The following TTC19 variants were observed in gnomAD, a reference collection of about 807,000 sequenced individuals.
TTC19 encodes tetratricopeptide repeat protein 19, mitochondrial.
A neutral mutation model predicts 49.5 loss-of-function variants in TTC19; 38 were observed. The ratio of observed to expected loss-of-function variants is 0.77; its 90% CI spans 0.59 to 1.01. TTC19 has a LOEUF of 1.01. TTC19 is among the 50% of genes least tolerant of loss of function. TTC19 has a pLI of 0.00. For missense variants in TTC19, 475 were observed against 477.7 expected (o/e 0.99, Z 0.05); for synonymous variants, 204 against 185.2 (o/e 1.10, Z -0.83).
At chr17:16,004,064 G>A in intron 5 of TTC19, 137 bp from the exon 6 acceptor site, 1 of 1,117,452 alleles carries the variant, frequency 8.9e-7, no homozygotes, top group Non-Finnish European at 1.4e-6. Flanking sequence ...GCTTGCCAAG[G>A]AATTCACAGT....
chr17:16,006,666 A>AGAG, intron 7 of TTC19, 98 bp downstream of exon 7: 2 of 871,962 alleles, frequency 2.3e-6, no homozygotes, highest in East Asian at 4.9e-5. Flanking sequence ...GAAGAGGGAA[A>AGAG]GTTACCTATT....
At chr17:16,018,401 C>T (rs572489650) in intron 7 of TTC19, among the ~76,000 whole-genome samples, 16 of 152,174 alleles carry the variant, frequency 1.1e-4, no homozygotes, top group Non-Finnish European at 1.8e-4. Context: ...TTCACATTAT[C>T]CCCTCTTCCA....
intron 7 of TTC19, among the ~76,000 whole-genome samples, chr17:16,019,515 G>GC (rs1406980041): frequency 6.6e-6 from 1 of 152,170 alleles, no homozygotes; most frequent in Non-Finnish European, 1.5e-5. Flanking sequence ...TTGCCAAACT[G>GC]CATGTCTGCT....
chr17:16,044,914 A>C, exon 3 of TTC19: 1 of 689,206 alleles, frequency 1.5e-6, no homozygotes. Context: ...AACAAAGAAG[A>C]ATCTGAGGAG....
At chr17:16,037,359 A>C (rs1020589085) in intron 2 of TTC19, among the ~76,000 whole-genome samples, 8 of 152,208 alleles carry the variant, frequency 5.3e-5, no homozygotes, top group African/African-American at 1.9e-4. Context: ...ATGCTATTAG[A>C]AAAATAATGC....
downstream of TTC19, chr17:16,031,725 C>G (rs1972034987): frequency 4.4e-6 from 1 of 228,776 alleles, no homozygotes; most frequent in African/African-American, 2.2e-5. Context: ...AACATTTTCA[C>G]AAGATTTTAA....
intron 7 of TTC19, among the ~76,000 whole-genome samples, chr17:16,011,203 C>T (rs1010872302): frequency 6.6e-6 from 1 of 152,126 alleles, no homozygotes; most frequent in Non-Finnish European, 1.5e-5. Flanking sequence ...TTTGTTGAGA[C>T]GGAGTCTCAC....
chr17:16,024,828 A>T (rs1466909522), intron 7 of TTC19, 189 bp from the exon 8 acceptor site: 1 of 606,780 alleles, frequency 1.6e-6, no homozygotes, highest in Non-Finnish European at 2.9e-6. Context: ...TGATGTGCGG[A>T]CTCTTAATCT....
chr17:16,005,415 A>G (rs1970873975), intron 6 of TTC19, among the ~76,000 whole-genome samples: 1 of 152,212 alleles, frequency 6.6e-6, no homozygotes, highest in African/African-American at 2.4e-5. Flanking sequence ...AGAGCAGAAC[A>G]GTAGGGTCAT....
intron 7 of TTC19, chr17:16,024,005 A>T (rs1241578963): frequency 6.6e-6 from 1 of 152,194 alleles, no homozygotes; most frequent in Non-Finnish European, 1.5e-5. Flanking sequence ...TATTGTGTGA[A>T]CAGTTACCTC....
intron 6 of TTC19, among the ~76,000 whole-genome samples, chr17:16,005,365 G>A (rs1314025039): frequency 6.6e-6 from 1 of 152,186 alleles, no homozygotes; most frequent in Admixed American, 6.5e-5. Context: ...CAAGTTTTGA[G>A]CGTAGGGAAG....
rs557393404 is a variant in TTC19 at position 16,018,160 on chromosome 17, A to G, written c.677-6857A>G. ...TGCATATTTGCCTTGTTTTTTAAAT[A>G]GTCTATTTTCTCCTGCTCAGATGCT... On this transcript the variant is annotated intron_variant, in intron 7 of 9. Coordinates refer to ENST00000261647, the MANE Select transcript of TTC19 (RefSeq NM_017775.4). 3.3e-4 allele frequency among the ~76,000 whole-genome samples: 51 copies of G among 152,298 alleles called. 1 individual carries two copies. Among genetic ancestry groups the G allele is most frequent in the African/African-American group, 1.1e-3 (44 of 41,568 alleles).
At chr17:16,035,078 G>A (rs1973952189) in intron 2 of TTC19, 2 of 800,886 alleles carry the variant, frequency 2.5e-6, no homozygotes, top group Non-Finnish European at 3.9e-6. Context: ...GGTACTCAAT[G>A]AAATAAAATA....
chr17:16,016,030 T>C (rs184012143), intron 7 of TTC19, among the ~76,000 whole-genome samples: 211 of 152,296 alleles, frequency 1.4e-3, no homozygotes, highest in African/African-American at 4.8e-3. Flanking sequence ...ATTTCACTTA[T>C]TTCTACTTTG....
rs528980078 is a variant in TTC19 at position 16,000,346 on chromosome 17, G to C, written c.312+101G>C. 2,185 of 1,538,698 alleles carry C rather than the reference G, an allele frequency of 1.4e-3. 1 individual carries two copies. Among genetic ancestry groups the C allele is most frequent in the Middle Eastern group, 8.8e-3 (38 of 4,328 alleles). ...TACTCTCTCCGCCTCGCCGAAGAGT[G>C]GATGGAGGCTCCGCGGGTAAAATTG... On this transcript the variant is annotated intron_variant, in intron 2 of 9. Coordinates refer to ENST00000261647, the MANE Select transcript of TTC19 (RefSeq NM_017775.4).
chr17:16,006,518 T>C lies in TTC19; in HGVS notation c.626T>C (p.Leu209Pro), dbSNP rs749822469. 6 of 1,613,604 alleles carry C rather than the reference T, an allele frequency of 3.7e-6. No homozygotes were observed. The highest frequency in any genetic ancestry group is 1.7e-5 in the Admixed American group (1 of 59,988). The change falls in exon 7 of 10, where the codon CTA becomes CCA. Residue 209 changes from leucine to proline, a missense_variant. Leu to Pro is a moderately conservative substitution (Grantham distance 98). Coordinates refer to ENST00000261647, the MANE Select transcript of TTC19 (RefSeq NM_017775.4). ...GGCTATGAATTCTGCATTTCAACTC[T>C]AGAGGAAAAAATTGAAAGAGAAAAG... The part of the protein sequence containing the change: ...VAGYEFCIST[L>P]EEKIEREKEL...
chr17:16,042,765 A>G (rs1387267059), intron 2 of TTC19, among the ~76,000 whole-genome samples: 1 of 152,288 alleles, frequency 6.6e-6, no homozygotes, highest in East Asian at 1.9e-4. Context: ...GGGAAGGAGG[A>G]GGAACTTTTT....
chr17:16,024,764 G>A (rs1002404780), intron 7 of TTC19: 1 of 492,052 alleles, frequency 2.0e-6, no homozygotes, highest in Non-Finnish European at 3.7e-6. Context: ...ATTTTCATTT[G>A]TTTCTGCTGA....
chr17:16,032,788 G>A (rs1046718284), downstream of TTC19, among the ~76,000 whole-genome samples: 3 of 152,194 alleles, frequency 2.0e-5, no homozygotes, highest in Non-Finnish European at 4.4e-5. Context: ...ATGTTTCCAT[G>A]GAGAATCACA....
Sources: gnomAD v4.1 joint callset for allele counts (sites outside exome capture counted in the v4.1 genomes callset) on GRCh38, gnomAD v4.1.1 for gene constraint, MANE v1.5 for transcripts, NCBI Gene and HGNC (gene_info 2026-07-23, HGNC 2026-07-21) for gene names.